CPPED1: variants seen among roughly 807,000 people sequenced by gnomAD.
CPPED1 encodes the protein serine/threonine-protein phosphatase CPPED1.
In CPPED1, 28 loss-of-function variants were observed where a neutral mutation model predicts 28.0. The ratio of observed to expected loss-of-function variants is 1.00; its 90% CI spans 0.74 to 1.37. CPPED1 has a LOEUF of 1.37. CPPED1 is among the 40% of genes most tolerant of loss of function. CPPED1 has a pLI of 0.00. For missense variants in CPPED1, 504 were observed against 416.5 expected, an observed-to-expected ratio of 1.21 and a Z score of -1.83; for synonymous variants, 198 against 180.2, an observed-to-expected ratio of 1.10 and a Z score of -0.79.
At position 12,682,073 on chromosome 16, in the gene CPPED1, G is replaced by A. The variant is rs1436243567; in HGVS notation, c.716-16958C>T. On this transcript the variant is annotated intron_variant, in intron 3 of 3. Transcript: ENST00000381774. This position sits in a 1 kb window ranked among gnomAD's most constrained non-coding sequence, Gnocchi z 6.1. Reference sequence around the variant, plus strand: ...TTTTGAGACAGTGTCTCTCTCGGTCGCCTATGTTGGAGTGCAGTGGCGCGA... The same window carrying A: ...TTTTGAGACAGTGTCTCTCTCGGTCACCTATGTTGGAGTGCAGTGGCGCGA... Among the ~76,000 whole-genome samples the A allele has an allele frequency of 1.3e-5, 2 of 151,994 alleles. No homozygotes were observed. Among genetic ancestry groups the A allele is most frequent in the African/African-American group, 2.4e-5 (1 of 41,358 alleles).
chr16:12,779,899 C>T (rs2080519842), intron 2 of CPPED1, among the ~76,000 whole-genome samples: 1 of 152,232 alleles, frequency 6.6e-6, no homozygotes. Context: ...GTCTAAGGTC[C>T]CCTGCCTCCC....
rs2079812611 is a variant in CPPED1 at position 12,664,282 on chromosome 16, G to C, written c.*604C>G. ...GGAAGGCAAATTTAAGCTCCGAGCT[G>C]TATCAACTGCATTCTGTTCCTATCA... On this transcript the variant is annotated 3_prime_UTR_variant, in exon 4 of 4. Coordinates refer to ENST00000381774, the MANE Select transcript of CPPED1 (RefSeq NM_018340.3). The surrounding 1 kb of genome is among the most constrained non-coding windows in gnomAD (Gnocchi z 4.2). 2 of 848,026 alleles carry C rather than the reference G, an allele frequency of 2.4e-6. No homozygotes were observed. Among genetic ancestry groups the C allele is most frequent in the Non-Finnish European group, 2.8e-6 (2 of 704,382 alleles). 52.5% of individuals were successfully genotyped at this position (848,026 alleles called of 1,614,324 possible).
intron 3 of CPPED1, among the ~76,000 whole-genome samples, chr16:12,688,672 T>C (rs528232032): frequency 1.3e-5 from 2 of 152,282 alleles, no homozygotes; most frequent in African/African-American, 4.8e-5. Flanking sequence ...TGTAATTCTC[T>C]GGTTTCTTTC....
chr16:12,738,281 A>G (rs889262421), intron 2 of CPPED1, among the ~76,000 whole-genome samples: 2 of 152,214 alleles, frequency 1.3e-5, no homozygotes, highest in Non-Finnish European at 2.9e-5. Flanking sequence ...GAACTCAGCT[A>G]TGCAAAAAAA....
chr16:12,785,593 A>G (rs1446765958), intron 1 of CPPED1, among the ~76,000 whole-genome samples: 1 of 151,918 alleles, frequency 6.6e-6, no homozygotes, highest in Non-Finnish European at 1.5e-5. Context: ...ACACCTGATT[A>G]ATTTTTGTAG....
intron 3 of CPPED1, among the ~76,000 whole-genome samples, chr16:12,668,188 A>G (rs1041175081): frequency 1.3e-5 from 2 of 152,210 alleles, no homozygotes; most frequent in Non-Finnish European, 2.9e-5. Flanking sequence ...CCACGTCTAA[A>G]TCTTCACTGA....
intron 3 of CPPED1, among the ~76,000 whole-genome samples, chr16:12,681,171 C>T (rs969520294): frequency 6.7e-6 from 1 of 149,498 alleles, no homozygotes; most frequent in Non-Finnish European, 1.5e-5. Flanking sequence ...TTCAATGTGC[C>T]CCCCAACGTT....
chr16:12,759,489 C>T (rs1453240030), intron 2 of CPPED1: 1 of 152,242 alleles, frequency 6.6e-6, no homozygotes, highest in African/African-American at 2.4e-5. Flanking sequence ...GCCATCAGGC[C>T]ATCTAGCTTT....
At chr16:12,797,469 G>C (rs1174703159) in intron 1 of CPPED1, among the ~76,000 whole-genome samples, 2 of 152,062 alleles carry the variant, frequency 1.3e-5, no homozygotes, top group Non-Finnish European at 2.9e-5. Context: ...GATCGAGCAT[G>C]GCTTGAGCCC....
chr16:12,790,821 C>T (rs552009672), intron 1 of CPPED1, among the ~76,000 whole-genome samples: 8 of 147,404 alleles, frequency 5.4e-5, no homozygotes, highest in African/African-American at 2.0e-4. Context: ...CCCAGCAACT[C>T]GGGAGGCTGA....
rs578199026 is a variant in CPPED1 at position 12,709,848 on chromosome 16, G to C, written c.290-4799C>G. Among the ~76,000 whole-genome samples, 1 of 151,704 alleles carries C rather than the reference G, an allele frequency of 6.6e-6. No individual in the cohort carries two copies. The highest frequency in any genetic ancestry group is 1.9e-4 in the East Asian group (1 of 5,158). On this transcript the variant is annotated intron_variant, in intron 2 of 3. Coordinates refer to ENST00000381774, the MANE Select transcript of CPPED1 (RefSeq NM_018340.3). This position sits in a 1 kb window ranked among gnomAD's most constrained non-coding sequence, Gnocchi z 4.4. ...AACATCATACTAGAAATCCTAGCCAGTGCAATAGGCAGGCAGGCAGGCAGT... is the reference window on the plus strand; with the variant it reads ...AACATCATACTAGAAATCCTAGCCACTGCAATAGGCAGGCAGGCAGGCAGT...
At chr16:12,732,857 G>A (rs940413525) in intron 2 of CPPED1, among the ~76,000 whole-genome samples, 1 of 152,144 alleles carries the variant, frequency 6.6e-6, no homozygotes, top group African/African-American at 2.4e-5. Context: ...TTCTTCTCCA[G>A]AAGCTACTGG....
intron 1 of CPPED1, among the ~76,000 whole-genome samples, chr16:12,785,583 A>G (rs1323917734): frequency 6.6e-6 from 1 of 151,998 alleles, no homozygotes; most frequent in Non-Finnish European, 1.5e-5. Context: ...ATGCAGCACC[A>G]CACCTGATTA....
At chr16:12,779,363 C>G (rs1054349921) in intron 2 of CPPED1, among the ~76,000 whole-genome samples, 3 of 151,566 alleles carry the variant, frequency 2.0e-5, no homozygotes, top group Admixed American at 1.3e-4. Flanking sequence ...GGACTACAGG[C>G]ATGCACCACC....
At chr16:12,681,041 G>A (rs1029908001) in intron 3 of CPPED1, among the ~76,000 whole-genome samples, 8 of 151,996 alleles carry the variant, frequency 5.3e-5, no homozygotes, top group Non-Finnish European at 8.8e-5. Context: ...TGGCCCAGTT[G>A]TCAAAATGAC....
At chr16:12,700,754 G>A (rs187255648) in intron 3 of CPPED1, among the ~76,000 whole-genome samples, 1 of 152,282 alleles carries the variant, frequency 6.6e-6, no homozygotes, top group East Asian at 1.9e-4. Context: ...GCTAATATCT[G>A]AGCCAGGTCT....
chr16:12,726,933 G>A (rs1308235221), intron 2 of CPPED1, among the ~76,000 whole-genome samples: 6 of 152,114 alleles, frequency 3.9e-5, no homozygotes, highest in African/African-American at 1.2e-4. Flanking sequence ...GTGGTGAATG[G>A]GATGCTCACC....
intron 3 of CPPED1, among the ~76,000 whole-genome samples, chr16:12,669,074 A>C (rs2079840700): frequency 6.6e-6 from 1 of 152,256 alleles, no homozygotes; most frequent in Admixed American, 6.5e-5. Flanking sequence ...ATACGGAAGC[A>C]ACCTAAATGT....
At chr16:12,669,757 C>T (rs1206384179) in intron 3 of CPPED1, among the ~76,000 whole-genome samples, 1 of 152,094 alleles carries the variant, frequency 6.6e-6, no homozygotes, top group African/African-American at 2.4e-5. Flanking sequence ...AGTAAGGATT[C>T]TCTAATAAAA....
Sources: gnomAD v4.1 joint callset for allele counts (sites outside exome capture counted in the v4.1 genomes callset) on GRCh38, gnomAD v4.1.1 for gene constraint, Gnocchi (gnomAD v3.1) non-coding constraint, MANE v1.5 for transcripts, NCBI Gene and HGNC (gene_info 2026-07-23, HGNC 2026-07-21) for gene names.